TSPAN17: variants seen among roughly 807,000 people sequenced by gnomAD.
TSPAN17 encodes the protein tetraspanin 17.
TSPAN17 carries 33 observed loss-of-function variants against 40.5 expected under a neutral mutation model. That is an observed-to-expected ratio of 0.81 (90% CI 0.62 to 1.09). TSPAN17 has a LOEUF of 1.09. TSPAN17 is among the 50% of genes least tolerant of loss of function. The pLI, the probability that TSPAN17 is intolerant of heterozygous loss-of-function variation, is 0.00. For missense variants in TSPAN17, 365 were observed against 416.8 expected (o/e 0.88, Z 1.08); for synonymous variants, 166 against 169.4 (o/e 0.98, Z 0.15).
intron 1 of TSPAN17, 49 bp downstream of exon 1, chr5:176,647,751 G>A (rs193169990): frequency 1.9e-4 from 292 of 1,508,118 alleles, no homozygotes; most frequent in Admixed American, 1.1e-3. Context: ...TGGTGGGAGA[G>A]GGAGATTCAG....
intron 1 of TSPAN17, among the ~76,000 whole-genome samples, chr5:176,649,668 C>A (rs1760887404): frequency 6.6e-6 from 1 of 152,122 alleles, no homozygotes; most frequent in African/African-American, 2.4e-5. Context: ...CTCAGGTGAT[C>A]CACCTGCCTT....
intron 1 of TSPAN17, among the ~76,000 whole-genome samples, chr5:176,648,814 T>C (rs1171721999): frequency 1.3e-5 from 2 of 152,112 alleles, no homozygotes; most frequent in East Asian, 1.9e-4. Flanking sequence ...TGAGTTCAAT[T>C]TGTTGTATTC....
rs749105417 is a variant in TSPAN17 at position 176,650,567 on chromosome 5, G to A, written c.88-1049G>A. Reference sequence around the variant, plus strand: ...CTGAAGGCCAAGGGCAGGCCAAGTGGGAGGAGGCAGGAGAAGTGATGTTTG... The same window carrying A: ...CTGAAGGCCAAGGGCAGGCCAAGTGAGAGGAGGCAGGAGAAGTGATGTTTG... On this transcript the variant is annotated intron_variant, in intron 1 of 8. Coordinates refer to ENST00000508164, the MANE Select transcript of TSPAN17 (RefSeq NM_130465.5). This position sits in a 1 kb window ranked among gnomAD's most constrained non-coding sequence, Gnocchi z 4.0. Among the ~76,000 whole-genome samples, 8 of 152,126 alleles carry A rather than the reference G, an allele frequency of 5.3e-5. No homozygotes were observed. The highest frequency in any genetic ancestry group is 8.8e-5 in the Non-Finnish European group (6 of 68,012).
At chr5:176,653,895 C>T (rs1262555709) in intron 4 of TSPAN17, 1 of 152,250 alleles carries the variant, frequency 6.6e-6, no homozygotes, top group African/African-American at 2.4e-5. Flanking sequence ...CCTGTCCTCT[C>T]AGGGCTGGCA....
At chr5:176,649,387 G>A (rs1049729244) in intron 1 of TSPAN17, among the ~76,000 whole-genome samples, 3 of 151,688 alleles carry the variant, frequency 2.0e-5, no homozygotes, top group African/African-American at 4.8e-5. Context: ...AGACCCTGGT[G>A]TTGTTCTGTT....
At chr5:176,652,689 A>C in intron 3 of TSPAN17, 54 bp from the exon 4 acceptor site, 1 of 1,571,938 alleles carries the variant, frequency 6.4e-7, no homozygotes, top group South Asian at 1.1e-5. Context: ...AAGCCCTGGG[A>C]GGTCACCAGA....
chr5:176,654,846 G>A lies in TSPAN17; in HGVS notation c.457-49G>A, dbSNP rs376041408. ...TGGGCTTGTTCCCAAACAGGGTGAG[G>A]CTCCTGGGATGGGCCTGGCTCACCT... On this transcript the variant is annotated intron_variant, in intron 4 of 8. Transcript: ENST00000508164. This position sits in a 1 kb window ranked among gnomAD's most constrained non-coding sequence, Gnocchi z 4.3. The A allele has an allele frequency of 6.2e-7, 1 of 1,604,800 alleles. No homozygotes were observed. The highest frequency in any genetic ancestry group is 8.5e-7 in the Non-Finnish European group (1 of 1,175,418).
rs202058874 is a variant in TSPAN17 at position 176,656,737 on chromosome 5, G to A, written c.668G>A (p.Cys223Tyr). 1 of 1,614,198 alleles carries A rather than the reference G, an allele frequency of 6.2e-7. No individual in the cohort carries two copies. The highest frequency in any genetic ancestry group is 2.2e-5 in the East Asian group (1 of 44,886). Residue 223 changes from cysteine (C) to tyrosine (Y), a missense_variant, in exon 7 of 9, where the codon TGC becomes TAC. By Grantham distance (194) the Cys-to-Tyr change is radical. Coordinates refer to ENST00000508164, the MANE Select transcript of TSPAN17 (RefSeq NM_130465.5). ...EQQGFIHTKG[C>Y]VGQFEKWLQD... ...CAGGGCTTCATCCACACCAAAGGCT[G>A]CGTGGGCCAGTTTGAGAAGTGGCTG...
rs1435208943 is a variant in TSPAN17, at chr5:176,652,048, T to C, written c.285+148T>C. 1.4e-5 allele frequency: 17 copies of C among 1,178,650 alleles called. No individual in the cohort carries two copies. The East Asian group carries it at 4.0e-4, about 28-fold the overall frequency. The allele number at this position is 1,178,650 out of a possible 1,614,324, so 73.0% of individuals were successfully genotyped here. A position where few individuals can be genotyped will look rare whatever the true frequency, so the allele number is the denominator to read the frequency against. On this transcript the variant is annotated intron_variant, in intron 3 of 8. Transcript: ENST00000508164. The stretch of plus-strand genomic sequence containing the variant: ...ATGTTGTCTATATTTACTAGGATCC[T>C]TTCCGTGGTATGGTAAGTGACCGAG...
Position 176,654,948 on chromosome 5 carries a change from C to T in TSPAN17, c.510C>T (p.Phe170=). The T allele has an allele frequency of 1.2e-6, 2 of 1,613,832 alleles. No homozygotes were observed. The highest frequency in any genetic ancestry group is 1.7e-6 in the Non-Finnish European group (2 of 1,179,918). Residue 170 remains phenylalanine, a synonymous_variant, in exon 5 of 9, where the codon TTC becomes TTT. Coordinates refer to ENST00000508164, the MANE Select transcript of TSPAN17 (RefSeq NM_130465.5). The surrounding 1 kb of genome is among the most constrained non-coding windows in gnomAD (Gnocchi z 4.3). ...ATGACTGGAACCTCAATATCTACTTCAACTGCACTGACTTGAACCCCAGCC... is the reference window on the plus strand; with the variant it reads ...ATGACTGGAACCTCAATATCTACTTTAACTGCACTGACTTGAACCCCAGCC... ...GPNDWNLNIY[F]NCTDLNPSRE...
At chr5:176,649,718 CGCCCG>C (rs1394090567) in intron 1 of TSPAN17, among the ~76,000 whole-genome samples, 1 of 152,212 alleles carries the variant, frequency 6.6e-6, no homozygotes, top group East Asian at 1.9e-4. Flanking sequence ...TGAGCCACCA[CGCCCG>C]GCCATCCTGC....
chr5:176,649,324 A>G (rs1760871286), intron 1 of TSPAN17, among the ~76,000 whole-genome samples: 1 of 152,130 alleles, frequency 6.6e-6, no homozygotes, highest in African/African-American at 2.4e-5. Context: ...AAGGTGGCCT[A>G]AGGGAGGCTG....
chr5:176,652,866 C>G lies in TSPAN17; in HGVS notation c.409C>G (p.Arg137Gly). The G allele has an allele frequency of 6.2e-7, 1 of 1,614,176 alleles. No homozygotes were observed. The highest frequency in any genetic ancestry group is 8.5e-7 in the Non-Finnish European group (1 of 1,180,022). The change falls in exon 4 of 9, where the codon CGG becomes GGG. Residue 137 changes from arginine to glycine, a missense_variant. Transcript: ENST00000508164. The part of the protein sequence containing the change: ...LFINNNVKAY[R>G]DDIDLQNLID... ...CATCAACAACAACGTCAAGGCCTAC[C>G]GGGACGACATTGACCTCCAGAACCT...
In TSPAN17 at chr5:176,647,615, C is replaced by T; in HGVS notation, c.-1C>T. The T allele has an allele frequency of 1.9e-6, 3 of 1,569,410 alleles. No homozygotes were observed. Among genetic ancestry groups the T allele is most frequent in the Non-Finnish European group, 1.7e-6 (2 of 1,160,312 alleles). ...TCCGGGCCGGCGGGTGGCCGCTCAC[C>T]ATGCCCGGCAAGCACCAGCATTTCC... On this transcript the variant is annotated 5_prime_UTR_variant, in exon 1 of 9. Transcript: ENST00000508164.
Position 176,651,727 on chromosome 5 carries a change from C to G in TSPAN17, c.139-27C>G. On this transcript the variant is annotated intron_variant, in intron 2 of 8. Transcript: ENST00000508164. This position sits in a 1 kb window ranked among gnomAD's most constrained non-coding sequence, Gnocchi z 4.5. ...CGAGGTGGTGGGAAGGTCAGCTCCC[C>G]ACACCTGCCTCTGCTGCCCGGCACA... is the stretch of plus-strand genomic sequence containing the variant. The G allele has an allele frequency of 1.2e-6, 2 of 1,614,014 alleles. No individual in the cohort carries two copies. Among genetic ancestry groups the G allele is most frequent in the Non-Finnish European group, 1.7e-6 (2 of 1,179,912 alleles).
chr5:176,653,071 C>T (rs1204566490), intron 4 of TSPAN17, 158 bp downstream of exon 4: 1 of 731,914 alleles, frequency 1.4e-6, no homozygotes, highest in Non-Finnish European at 2.2e-6. Flanking sequence ...GGAGAGCCAG[C>T]CCCTGCTGAT....
At position 176,651,140 on chromosome 5, in the gene TSPAN17, G is replaced by A. The variant is rs536608817; in HGVS notation, c.88-476G>A. ...GGCGGAGGTTAAAGGGGTAGGATGG[G>A]GCTGGGCTGGGGAGGAGTGTTGAGG... On this transcript the variant is annotated intron_variant, in intron 1 of 8. Transcript: ENST00000508164. This position sits in a 1 kb window ranked among gnomAD's most constrained non-coding sequence, Gnocchi z 4.5. Among the ~76,000 whole-genome samples, 1 of 152,292 alleles carries A rather than the reference G, an allele frequency of 6.6e-6. No homozygotes were observed. The highest frequency in any genetic ancestry group is 6.5e-5 in the Admixed American group (1 of 15,302).
chr5:176,657,754 C>A lies in TSPAN17; in HGVS notation c.*56C>A. ...CTCTTGAAGAATGACCACCTGGCTA[C>A]GCCGGCTCTTCGGTGGCAACACTAC... On this transcript the variant is annotated 3_prime_UTR_variant, in exon 9 of 9. Transcript: ENST00000508164. 6.6e-7 allele frequency: 1 copy of A among 1,523,116 alleles called. No individual in the cohort carries two copies. The highest frequency in any genetic ancestry group is 8.8e-7 in the Non-Finnish European group (1 of 1,139,814). The allele number at this position is 1,523,116 out of a possible 1,614,324, so 94.4% of individuals were successfully genotyped here.
intron 3 of TSPAN17, 55 bp from the exon 4 acceptor site, chr5:176,652,688 G>A: frequency 6.4e-7 from 1 of 1,572,596 alleles, no homozygotes; most frequent in South Asian, 1.1e-5. Flanking sequence ...CAAGCCCTGG[G>A]AGGTCACCAG....
Sources: gnomAD v4.1 joint callset for allele counts (sites outside exome capture counted in the v4.1 genomes callset) on GRCh38, gnomAD v4.1.1 for gene constraint, Gnocchi (gnomAD v3.1) non-coding constraint, MANE v1.5 for transcripts, NCBI Gene and HGNC (gene_info 2026-07-23, HGNC 2026-07-21) for gene names.